Variants in POM121 observed in about 807,000 individuals in gnomAD.
POM121 encodes the protein POM121 transmembrane nucleoporin.
POM121 carries 32 observed loss-of-function variants against 81.3 expected under a neutral mutation model. The observed-to-expected ratio is 0.39, with a 90% confidence interval of 0.30 to 0.53. The LOEUF (loss-of-function observed/expected upper bound fraction) is 0.53, where lower values mean the gene tolerates loss of function less well. Ranked by LOEUF, POM121 falls within the 20% of genes least tolerant of loss-of-function variation. The pLI is 0.66. For synonymous variants in POM121, 514 were observed against 694.2 expected (o/e 0.74, Z 4.08); for missense variants, 1,138 against 1,614.6 (o/e 0.70, Z 5.06).
At chr7:72,909,351 C>T (rs1554493916) in intron 3 of POM121, among the ~76,000 whole-genome samples, 1 of 152,176 alleles carries the variant, frequency 6.6e-6, no homozygotes, top group African/African-American at 2.4e-5. Context: ...TGTCTTTCCT[C>T]ATTCAGATTT....
chr7:72,914,826 C>T (rs1399730810), intron 4 of POM121, among the ~76,000 whole-genome samples: 1 of 152,156 alleles, frequency 6.6e-6, no homozygotes, highest in African/African-American at 2.4e-5. Flanking sequence ...CCTGGAAGCA[C>T]ACACCTGTTT....
chr7:72,935,034 A>G (rs1160055172), intron 5 of POM121, among the ~76,000 whole-genome samples: 3 of 150,714 alleles, frequency 2.0e-5, no homozygotes, highest in African/African-American at 2.5e-5. Flanking sequence ...TCAACTTGTC[A>G]ATTTCCACAA....
intron 5 of POM121, among the ~76,000 whole-genome samples, chr7:72,935,091 A>G (rs1166800713): frequency 6.6e-6 from 1 of 151,802 alleles, no homozygotes; most frequent in Non-Finnish European, 1.5e-5. Flanking sequence ...CCTTTCATCT[A>G]CTGATTACTT....
At position 72,946,591 on chromosome 7, in the gene POM121, C is replaced by G; in HGVS notation, c.*357C>G. The stretch of plus-strand genomic sequence containing the variant: ...CCACCTTTCCCCGAGACCGTCGTCG[C>G]TGGAGGGGGCAGGGTCCAGCCCGCC... On this transcript the variant is annotated 3_prime_UTR_variant, in exon 13 of 13. Coordinates refer to ENST00000434423, the MANE Select transcript of POM121 (RefSeq NM_001387691.1). The G allele has an allele frequency of 9.6e-7, 1 of 1,038,738 alleles. No individual in the cohort carries two copies. Among genetic ancestry groups the G allele is most frequent in the South Asian group, 4.0e-5 (1 of 25,294 alleles). The allele number at this position is 1,038,738 out of a possible 1,614,324, so 64.3% of individuals were successfully genotyped here.
At chr7:72,884,473 CAAATATATACATATAATATATATTTGAT>C (rs1790480050) in intron 1 of POM121, among the ~76,000 whole-genome samples, 3 of 41,532 alleles carry the variant, frequency 7.2e-5, no homozygotes, top group Non-Finnish European at 1.0e-4. Context: ...TATATGATAG[CAAATATATACATATAATATATATTTGAT>C]AGCAAATATA....
rs557937046 is a variant in POM121, at chr7:72,925,748, C to T, written c.627C>T (p.Ser209=). The change falls in exon 1 of 13, where the codon TCC becomes TCT. Residue 209 remains serine, a synonymous_variant. Transcript: ENST00000434423. ...TGCCCACTCCTCTTCTCCGACCCTCCAGGAGGCCTTCCCCACGGTAAGATG... is the reference window on the plus strand; with the variant it reads ...TGCCCACTCCTCTTCTCCGACCCTCTAGGAGGCCTTCCCCACGGTAAGATG... ...PSLPTPLLRP[S]RRPSPRDCGT... The T allele has an allele frequency of 5.2e-5, 69 of 1,329,480 alleles. 2 individuals are homozygous for T. The Admixed American group carries it at 2.1e-3, about 41-fold the overall frequency. The allele number at this position is 1,329,480 out of a possible 1,614,324, so 82.4% of individuals were successfully genotyped here. A position where few individuals can be genotyped will look rare whatever the true frequency, so the allele number is the denominator to read the frequency against.
At position 72,926,463 on chromosome 7, in the gene POM121, T is replaced by G. The variant is rs782049609; in HGVS notation, c.846T>G (p.Phe282Leu). 1 of 1,614,042 alleles carries G rather than the reference T, an allele frequency of 6.2e-7. No homozygotes were observed. Among genetic ancestry groups the G allele is most frequent in the Non-Finnish European group, 8.5e-7 (1 of 1,179,874 alleles). ...GGATCGCCCCTCCTGACAGAAGATT[T>G]TCGCGTTCTGCGATGTGAGTATTAT... The part of the protein sequence containing the change: ...TVRIAPPDRR[F>L]SRSAIPEQII... Residue 282 changes from phenylalanine (F) to leucine (L), a missense_variant, in exon 2 of 13, where the codon TTT (phenylalanine) becomes TTG (leucine). By Grantham distance (22) the Phe-to-Leu change is conservative (BLOSUM62 0). This residue lies in a region of POM121 where 646 missense variants were observed against 633.5 expected (regional missense o/e 1.02). Transcript: ENST00000434423.
chr7:72,946,379 C>A lies in POM121; in HGVS notation c.*145C>A. 2.8e-6 allele frequency: 4 copies of A among 1,438,368 alleles called. No homozygotes were observed. The highest frequency in any genetic ancestry group is 3.7e-6 in the Non-Finnish European group (4 of 1,092,480). The allele number at this position is 1,438,368 out of a possible 1,614,324, so 89.1% of individuals were successfully genotyped here. A position where few individuals can be genotyped will look rare whatever the true frequency, so the allele number is the denominator to read the frequency against. ...TCAGCCGCCAGGGGGCAGTGGCAGC[C>A]CTGGGGCCCTTTCCCTTCTGGAGGA... On this transcript the variant is annotated 3_prime_UTR_variant, in exon 13 of 13. Coordinates refer to ENST00000434423, the MANE Select transcript of POM121 (RefSeq NM_001387691.1).
intron 3 of POM121, among the ~76,000 whole-genome samples, chr7:72,927,360 C>T (rs1554497779): frequency 1.3e-5 from 2 of 152,114 alleles, no homozygotes; most frequent in African/African-American, 4.8e-5. Context: ...GAAGGAAATG[C>T]TTGTGAAAGA....
chr7:72,919,098 G>A (rs782312642), intron 4 of POM121, among the ~76,000 whole-genome samples: 11 of 151,546 alleles, frequency 7.3e-5, no homozygotes, highest in Non-Finnish European at 1.5e-4. Context: ...TAGAGGTGGG[G>A]TTTCACCATG....
chr7:72,929,872 G>A (rs1554498210), intron 4 of POM121, 68 bp from the exon 5 acceptor site: 2 of 1,479,524 alleles, frequency 1.4e-6, no homozygotes, highest in Non-Finnish European at 1.8e-6. Context: ...AAGATGTCAT[G>A]ACCGTGGATG....
At chr7:72,898,988 T>C (rs1344777369) in intron 3 of POM121, among the ~76,000 whole-genome samples, 2 of 129,180 alleles carry the variant, frequency 1.5e-5, no homozygotes, top group African/African-American at 5.9e-5. Flanking sequence ...TCTTTTTTTT[T>C]TTTTTTTTTT....
At chr7:72,891,695 C>A (rs1364536926) in intron 3 of POM121, among the ~76,000 whole-genome samples, 2 of 152,224 alleles carry the variant, frequency 1.3e-5, no homozygotes, top group African/African-American at 4.8e-5. Context: ...TCCTGAGCCA[C>A]TGCTCCCAGC....
intron 4 of POM121, among the ~76,000 whole-genome samples, chr7:72,916,974 G>T (rs1190641332): frequency 6.6e-6 from 1 of 152,134 alleles, no homozygotes; most frequent in Non-Finnish European, 1.5e-5. Flanking sequence ...TGTTATTTTG[G>T]ATACGTTCCT....
chr7:72,904,833 C>G (rs1243805448), intron 3 of POM121, among the ~76,000 whole-genome samples: 25 of 152,246 alleles, frequency 1.6e-4, no homozygotes, highest in African/African-American at 5.5e-4. Flanking sequence ...TGGTGGAAAG[C>G]TAACAAGAAG....
At chr7:72,939,118 CTTGTT>C (rs1460688236) in intron 6 of POM121, among the ~76,000 whole-genome samples, 1 of 152,202 alleles carries the variant, frequency 6.6e-6, no homozygotes, top group Non-Finnish European at 1.5e-5. Flanking sequence ...TTGTTTTGTG[CTTGTT>C]TTAAGACAAA....
chr7:72,904,959 G>A (rs62463398), intron 3 of POM121, among the ~76,000 whole-genome samples: 1 of 152,196 alleles, frequency 6.6e-6, no homozygotes, highest in African/African-American at 2.4e-5. Flanking sequence ...ACCATGGGGT[G>A]AACCGCGCCC....
chr7:72,895,137 T>C (rs1791812433), intron 3 of POM121, among the ~76,000 whole-genome samples: 1 of 152,224 alleles, frequency 6.6e-6, no homozygotes, highest in African/African-American at 2.4e-5. Context: ...CTGTCTGTTC[T>C]GGACACACTT....
At chr7:72,944,792 C>T (rs1204398755) in intron 11 of POM121, among the ~76,000 whole-genome samples, 4 of 150,690 alleles carry the variant, frequency 2.7e-5, no homozygotes, top group South Asian at 2.1e-4. Flanking sequence ...TGGCAGGGGT[C>T]GGGGAGAGGA....
Sources: gnomAD v4.1 joint callset for allele counts (sites outside exome capture counted in the v4.1 genomes callset) on GRCh38, gnomAD v4.1.1 for gene constraint, gnomAD v4.1.1 regional missense constraint, MANE v1.5 for transcripts, NCBI Gene and HGNC (gene_info 2026-07-23, HGNC 2026-07-21) for gene names.